Variants in FHIP2B observed in about 807,000 individuals in gnomAD.
FHIP2B encodes FHF complex subunit HOOK interacting protein 2B.
In FHIP2B, 72 loss-of-function variants were observed where a neutral mutation model predicts 84.0. That is an observed-to-expected ratio of 0.86 (90% confidence interval 0.71 to 1.04). The LOEUF is 1.04. Among genes scored for constraint, FHIP2B ranks in the 50% least tolerant of loss-of-function variants. The pLI, the probability that FHIP2B is intolerant of heterozygous loss-of-function variation, is 0.00. For synonymous variants in FHIP2B, 497 were observed against 418.7 expected (o/e 1.19, Z -2.28); for missense variants, 972 against 968.9 (o/e 1.00, Z -0.04).
intron 10 of FHIP2B, chr8:22,100,320 C>T (rs1826034221): frequency 2.4e-6 from 1 of 417,168 alleles, no homozygotes; most frequent in Admixed American, 4.3e-5. Context: ...GAGGTTGATA[C>T]TCCCATTTCT....
Position 22,089,310 on chromosome 8 carries a change from A to AGGGCC in FHIP2B, c.45+24_45+28dup, listed in dbSNP as rs1027810242. On this transcript the variant is annotated intron_variant, in intron 1 of 16. Coordinates refer to ENST00000289921, the MANE Select transcript of FHIP2B (RefSeq NM_022749.7). ...AAGCCGTGGGGGCGGTGAGGCCGGCAGGGCCGGGCCGGGCCGCCGGGAGTC... is the reference window on the plus strand; with the variant it reads ...AAGCCGTGGGGGCGGTGAGGCCGGCAGGGCCGGGCCGGGCCGGGCCGCCGGGAGTC... 17 of 991,926 alleles carry AGGGCC rather than the reference A, an allele frequency of 1.7e-5. No homozygotes were observed. The highest frequency in any genetic ancestry group is 1.4e-4 in the African/African-American group (8 of 56,236). 61.4% of individuals were successfully genotyped at this position (991,926 alleles called of 1,614,324 possible).
chr8:22,089,399 G>A, intron 1 of FHIP2B, 101 bp downstream of exon 1: 1 of 697,254 alleles, frequency 1.4e-6, no homozygotes, highest in Non-Finnish European at 1.8e-6. Context: ...GCGGGCGGGC[G>A]CGGGCCCCCT....
Position 22,101,481 on chromosome 8 carries a change from T to G in FHIP2B, c.1658T>G (p.Phe553Cys). ...CCCGAGGAAGCCAAGACCTCTGCCT[T>G]CCTGGAGGAGACAGGCTATGACACA... ...LVPEEAKTSA[F>C]LEETGYDTYV... The change falls in exon 13 of 17, where the codon TTC becomes TGC. Residue 553 changes from phenylalanine (F) to cysteine (C), a missense_variant. Phe to Cys is a radical substitution (Grantham distance 205). Coordinates refer to ENST00000289921, the MANE Select transcript of FHIP2B (RefSeq NM_022749.7). The G allele has an allele frequency of 1.2e-6, 2 of 1,612,884 alleles. No homozygotes were observed. Among genetic ancestry groups the G allele is most frequent in the Non-Finnish European group, 1.7e-6 (2 of 1,179,308 alleles).
intron 12 of FHIP2B, 164 bp from the exon 13 acceptor site, chr8:22,101,276 G>A (rs1826096985): frequency 1.5e-6 from 1 of 660,116 alleles, no homozygotes; most frequent in African/African-American, 1.8e-5. Context: ...GCCCACCTCA[G>A]CCTCCCAAAG....
chr8:22,089,822 T>C (rs1365864120), intron 1 of FHIP2B: 2 of 1,285,402 alleles, frequency 1.6e-6, no homozygotes, highest in East Asian at 5.6e-5. Flanking sequence ...ACGTGGGAAG[T>C]GCAGGCCCTG....
At chr8:22,096,648 G>A in intron 3 of FHIP2B, 139 bp downstream of exon 3, 1 of 1,266,136 alleles carries the variant, frequency 7.9e-7, no homozygotes, top group Non-Finnish European at 1.0e-6. Flanking sequence ...GCTGAGGTGG[G>A]CGGTGGGCAG....
chr8:22,099,998 G>A, intron 10 of FHIP2B, 105 bp downstream of exon 10: 3 of 1,218,432 alleles, frequency 2.5e-6, no homozygotes, highest in Non-Finnish European at 3.3e-6. Context: ...CTCCACCTTT[G>A]AGACACTGAA....
intron 2 of FHIP2B, chr8:22,094,954 T>C: frequency 2.0e-6 from 2 of 987,812 alleles, no homozygotes; most frequent in African/African-American, 1.8e-5. Flanking sequence ...AGATCTGGGG[T>C]AGGAGGAGAA....
At chr8:22,098,034 C>T in intron 5 of FHIP2B, 34 bp from the exon 6 acceptor site, 1 of 1,561,470 alleles carries the variant, frequency 6.4e-7, no homozygotes, top group Non-Finnish European at 8.7e-7. Context: ...AAGTGGTCCC[C>T]ACCAGGTCTG....
Position 22,102,272 on chromosome 8 carries a change from G to C in FHIP2B, c.1949G>C (p.Ser650Thr). 1 of 1,613,156 alleles carries C rather than the reference G, an allele frequency of 6.2e-7. No individual in the cohort carries two copies. The highest frequency in any genetic ancestry group is 1.6e-4 in the Middle Eastern group (1 of 6,062). Residue 650 changes from serine (S) to threonine (T), a missense_variant, in exon 15 of 17, where the codon AGC (serine) becomes ACC (threonine). By Grantham distance (58) the Ser-to-Thr change is moderately conservative. Transcript: ENST00000289921. Reference protein sequence around the residue: ...IHEYLLDPYISLAPGCRSLFS... With the variant: ...IHEYLLDPYITLAPGCRSLFS... The stretch of plus-strand genomic sequence containing the variant: ...GAGTACCTGCTGGATCCGTACATCA[G>C]CCTGGCCCCCGGCTGCAGGAGCCTA...
At chr8:22,097,302 G>C (rs1825824756) in intron 3 of FHIP2B, among the ~76,000 whole-genome samples, 1 of 152,112 alleles carries the variant, frequency 6.6e-6, no homozygotes. Flanking sequence ...AGCTCTGACA[G>C]GCGCTCTGTC....
Position 22,097,805 on chromosome 8 carries a change from A to G in FHIP2B, c.491A>G (p.Gln164Arg), listed in dbSNP as rs776813466. 1.5e-5 allele frequency: 25 copies of G among 1,613,418 alleles called. No individual in the cohort carries two copies. The East Asian group carries it at 4.9e-4, about 32-fold the overall frequency. The change falls in exon 5 of 17, where the codon CAG (glutamine) becomes CGG (arginine). Residue 164 changes from glutamine (Q) to arginine (R), a missense_variant. Gln to Arg is a conservative substitution (Grantham distance 43, BLOSUM62 1). Coordinates refer to ENST00000289921, the MANE Select transcript of FHIP2B (RefSeq NM_022749.7). Reference sequence around the variant, plus strand: ...ACCACCGTCCTCTGCTCCAAGATCCAGCAGGACCCAGAGCTGCTCGCCTAC... The same window carrying G: ...ACCACCGTCCTCTGCTCCAAGATCCGGCAGGACCCAGAGCTGCTCGCCTAC... Reference protein sequence around the residue: ...QFTTVLCSKIQQDPELLAYIL... With the variant: ...QFTTVLCSKIRQDPELLAYIL...
Position 22,099,834 on chromosome 8 carries a change from G to T in FHIP2B, c.1282G>T (p.Asp428Tyr). Residue 428 changes from aspartate to tyrosine, a missense_variant, in exon 10 of 17, where the codon GAC (aspartate) becomes TAC (tyrosine). Asp to Tyr is a radical substitution (Grantham distance 160). Coordinates refer to ENST00000289921, the MANE Select transcript of FHIP2B (RefSeq NM_022749.7). ...GTDRQPEAPG[D>Y]NPHTLYAHLI... ...AGACCGGCAGCCTGAAGCCCCCGGG[G>T]ACAACCCCCACACCCTGTATGCTCA... 2 of 1,613,270 alleles carry T rather than the reference G, an allele frequency of 1.2e-6. No individual in the cohort carries two copies. Among genetic ancestry groups the T allele is most frequent in the Non-Finnish European group, 1.7e-6 (2 of 1,179,682 alleles).
chr8:22,102,645 C>T lies in FHIP2B; in HGVS notation c.2093+17C>T, dbSNP rs1163638833. The stretch of plus-strand genomic sequence containing the variant: ...TGGGGAGCAGTGAGTACCAAGGGTG[C>T]CAGGTGAAGCCTTGGGGTGGGAGAG... On this transcript the variant is annotated intron_variant, in intron 16 of 16. Coordinates refer to ENST00000289921, the MANE Select transcript of FHIP2B (RefSeq NM_022749.7). 2 of 1,563,382 alleles carry T rather than the reference C, an allele frequency of 1.3e-6. No individual in the cohort carries two copies. The highest frequency in any genetic ancestry group is 1.7e-6 in the Non-Finnish European group (2 of 1,154,182).
intron 3 of FHIP2B, 152 bp downstream of exon 3, chr8:22,096,661 G>A: frequency 9.6e-7 from 1 of 1,041,306 alleles, no homozygotes; most frequent in Non-Finnish European, 1.3e-6. Context: ...GTGGGCAGTG[G>A]GCAGCCTGGG....
At chr8:22,090,343 T>G (rs892738432) in intron 1 of FHIP2B, among the ~76,000 whole-genome samples, 1 of 152,196 alleles carries the variant, frequency 6.6e-6, no homozygotes, top group African/African-American at 2.4e-5. Flanking sequence ...TGGGAGCTCC[T>G]GTTGAAAGAA....
intron 1 of FHIP2B, among the ~76,000 whole-genome samples, chr8:22,094,015 C>T (rs771860461): frequency 1.3e-5 from 2 of 152,164 alleles, no homozygotes; most frequent in African/African-American, 2.4e-5. Context: ...CTGCACCTGA[C>T]CTTTGCCACA....
rs1281405562 is a variant in FHIP2B at position 22,097,660 on chromosome 8, C to A, written c.402+40C>A. On this transcript the variant is annotated intron_variant, in intron 4 of 16. Coordinates refer to ENST00000289921, the MANE Select transcript of FHIP2B (RefSeq NM_022749.7). ...AGCCAAGGGGTGTCTGGGTGTGAGG[C>A]CCCCTCTCTCCCCTGCCACCCCTCT... 5 of 1,603,444 alleles carry A rather than the reference C, an allele frequency of 3.1e-6. 1 individual carries two copies. In the South Asian group the frequency reaches 3.4e-5, roughly 11 times the overall value.
intron 3 of FHIP2B, 161 bp downstream of exon 3, chr8:22,096,670 G>GAATCCAGGGAGCCCCA: frequency 2.0e-6 from 2 of 1,010,208 alleles, no homozygotes; most frequent in Non-Finnish European, 2.7e-6. Flanking sequence ...GGGCAGCCTG[G>GAATCCAGGGAGCCCCA]GGCTCCCTGG....
Sources: gnomAD v4.1 joint callset for allele counts (sites outside exome capture counted in the v4.1 genomes callset) on GRCh38, gnomAD v4.1.1 for gene constraint, MANE v1.5 for transcripts, NCBI Gene and HGNC (gene_info 2026-07-23, HGNC 2026-07-21) for gene names.